TMEM132B: variants seen among roughly 807,000 people sequenced by gnomAD.
The protein encoded by TMEM132B is transmembrane protein 132B.
TMEM132B carries 18 observed loss-of-function variants against 90.8 expected under a neutral mutation model. The ratio of observed to expected loss-of-function variants is 0.20; its 90% CI spans 0.14 to 0.29. The LOEUF is 0.29. Among genes scored for constraint, TMEM132B ranks in the 10% least tolerant of loss-of-function variants. The probability of loss-of-function intolerance (pLI) is 1.00; values close to 1 mark genes in which losing one functional copy is unlikely to be tolerated. For missense variants in TMEM132B, 1,096 were observed against 1,326.8 expected (o/e 0.83, Z 2.70); for synonymous variants, 504 against 523.3 (o/e 0.96, Z 0.50).
At chr12:125,468,459 A>G (rs1046988310) in intron 3 of TMEM132B, among the ~76,000 whole-genome samples, 2 of 152,226 alleles carry the variant, frequency 1.3e-5, no homozygotes, top group African/African-American at 4.8e-5. Context: ...AACAGCATGA[A>G]TGAAATCATG....
In TMEM132B at chr12:125,460,870, T is replaced by C. The variant is rs1380669137; in HGVS notation, c.1106+45193T>C. ...GGTCTTTTGAAGACAATGAAACATA[T>C]TGTTTGTTGTCATCATGAAAGTTTT... On this transcript the variant is annotated intron_variant, in intron 3 of 8. Coordinates refer to ENST00000682704, the MANE Select transcript of TMEM132B (RefSeq NM_001366854.1). This position sits in a 1 kb window ranked among gnomAD's most constrained non-coding sequence, Gnocchi z 4.4. Among the ~76,000 whole-genome samples the C allele has an allele frequency of 1.3e-5, 2 of 152,208 alleles. No homozygotes were observed. The highest frequency in any genetic ancestry group is 1.3e-4 in the Admixed American group (2 of 15,284).
intron 5 of TMEM132B, among the ~76,000 whole-genome samples, chr12:125,615,793 TAG>T (rs1453812256): frequency 1.3e-5 from 2 of 152,170 alleles, no homozygotes; most frequent in Non-Finnish European, 2.9e-5. Context: ...GTGAGTGGTG[TAG>T]GGGCCAAGGC....
intron 1 of TMEM132B, chr12:125,326,660 G>A (rs1029884944): frequency 1.2e-6 from 2 of 1,607,998 alleles, no homozygotes; most frequent in East Asian, 2.2e-5. Context: ...CACCACTGCT[G>A]TCTGCACCGG....
chr12:125,476,164 A>G (rs1843146020), intron 3 of TMEM132B, among the ~76,000 whole-genome samples: 1 of 152,214 alleles, frequency 6.6e-6, no homozygotes, highest in Non-Finnish European at 1.5e-5. Context: ...ATATTTTTCT[A>G]TTGAGATGAA....
intron 3 of TMEM132B, among the ~76,000 whole-genome samples, chr12:125,416,812 A>G (rs1880027907): frequency 3.3e-5 from 5 of 152,090 alleles, no homozygotes; most frequent in Admixed American, 3.3e-4. Context: ...CTCTACATCT[A>G]TCGACAGAGT....
chr12:125,344,935 A>G (rs1252373472), intron 1 of TMEM132B, among the ~76,000 whole-genome samples: 3 of 152,140 alleles, frequency 2.0e-5, no homozygotes, highest in Admixed American at 1.3e-4. Context: ...GCCGCCAGAG[A>G]TGACATTTAC....
intron 5 of TMEM132B, among the ~76,000 whole-genome samples, chr12:125,592,566 G>T (rs1885339984): frequency 6.6e-6 from 1 of 152,144 alleles, no homozygotes; most frequent in Non-Finnish European, 1.5e-5. Context: ...TTTGCTGTTT[G>T]CTGAGCAGTG....
intron 5 of TMEM132B, among the ~76,000 whole-genome samples, chr12:125,628,804 C>A (rs1886291950): frequency 6.6e-6 from 1 of 152,108 alleles, no homozygotes; most frequent in Non-Finnish European, 1.5e-5. Context: ...AGTCTTTAAT[C>A]CATTTTGATT....
chr12:125,211,891 G>A (rs561286282), intron 1 of TMEM132B, among the ~76,000 whole-genome samples: 5 of 152,198 alleles, frequency 3.3e-5, no homozygotes, highest in African/African-American at 9.6e-5. Context: ...GTCTCAGGGC[G>A]TGTAAACACC....
chr12:125,490,458 AT>A lies in TMEM132B; in HGVS notation c.1107-28977del, dbSNP rs1322199516. Among the ~76,000 whole-genome samples the A allele has an allele frequency of 4.6e-5, 7 of 151,964 alleles. No homozygotes were observed. The East Asian group carries it at 5.8e-4, about 13-fold the overall frequency. The stretch of plus-strand genomic sequence containing the variant: ...TAAGAGGTGAAACTTAATTTATTTT[AT>A]TTTATTTATTTATTTATTTTTTGAG... On this transcript the variant is annotated intron_variant, in intron 3 of 8. Coordinates refer to ENST00000682704, the MANE Select transcript of TMEM132B (RefSeq NM_001366854.1). This position sits in a 1 kb window ranked among gnomAD's most constrained non-coding sequence, Gnocchi z 4.2.
chr12:125,404,926 A>T (rs1879422805), intron 2 of TMEM132B, among the ~76,000 whole-genome samples: 1 of 152,156 alleles, frequency 6.6e-6, no homozygotes, highest in East Asian at 1.9e-4. Context: ...CCCTAGACAG[A>T]CTGTCTCACT....
At chr12:125,242,719 C>T (rs897925510) in intron 1 of TMEM132B, among the ~76,000 whole-genome samples, 11 of 152,220 alleles carry the variant, frequency 7.2e-5, no homozygotes, top group Admixed American at 2.0e-4. Flanking sequence ...CTCCTTTGTC[C>T]TTCAAGATCT....
At chr12:125,218,780 T>TTTG (rs1386899923) in intron 1 of TMEM132B, among the ~76,000 whole-genome samples, 7 of 150,248 alleles carry the variant, frequency 4.7e-5, no homozygotes, top group African/African-American at 1.7e-4. Flanking sequence ...TTTTTTTTTT[T>TTTG]TTTTTTTTTT....
At chr12:125,575,056 T>TTATATATATATA (rs1566078420) in intron 4 of TMEM132B, among the ~76,000 whole-genome samples, 1 of 11,054 alleles carries the variant, frequency 9.0e-5, no homozygotes, top group African/African-American at 2.6e-4. Flanking sequence ...CTATTAGCTG[T>TTATATATATATA]CATATATATA....
chr12:125,337,570 C>T (rs1877010910), intron 1 of TMEM132B, among the ~76,000 whole-genome samples: 1 of 152,144 alleles, frequency 6.6e-6, no homozygotes, highest in African/African-American at 2.4e-5. Context: ...CTGGGAAAGT[C>T]CCTGCCTGAG....
intron 4 of TMEM132B, among the ~76,000 whole-genome samples, chr12:125,521,385 C>T (rs1883302357): frequency 6.6e-6 from 1 of 152,176 alleles, no homozygotes; most frequent in Admixed American, 6.5e-5. Flanking sequence ...TGCTGGACTG[C>T]CCCTGCATGA....
chr12:125,599,112 T>G (rs1885511906), intron 5 of TMEM132B, among the ~76,000 whole-genome samples: 1 of 152,158 alleles, frequency 6.6e-6, no homozygotes, highest in African/African-American at 2.4e-5. Flanking sequence ...TCCTCATGTG[T>G]CATAGGAGGG....
Position 125,519,606 on chromosome 12 carries a change from G to A in TMEM132B, c.1274G>A (p.Gly425Asp), listed in dbSNP as rs1269322638. 6 of 1,613,890 alleles carry A rather than the reference G, an allele frequency of 3.7e-6. No individual in the cohort carries two copies. The highest frequency in any genetic ancestry group is 1.6e-4 in the Middle Eastern group (1 of 6,064). The change falls in exon 4 of 9, where the codon GGC (glycine) becomes GAC (aspartate). Residue 425 changes from glycine (G) to aspartate (D), a missense_variant. By Grantham distance (94) the Gly-to-Asp change is moderately conservative. Coordinates refer to ENST00000682704, the MANE Select transcript of TMEM132B (RefSeq NM_001366854.1). The part of the protein sequence containing the change: ...EIFVSQTTFV[G>D]IVPLAMDTEV... ...TTCGTCAGCCAGACAACCTTCGTGGGCATCGTCCCTCTTGCCATGGTGAGG... is the reference window on the plus strand; with the variant it reads ...TTCGTCAGCCAGACAACCTTCGTGGACATCGTCCCTCTTGCCATGGTGAGG...
intron 5 of TMEM132B, among the ~76,000 whole-genome samples, chr12:125,641,600 A>T (rs1886632539): frequency 6.6e-6 from 1 of 152,222 alleles, no homozygotes; most frequent in Non-Finnish European, 1.5e-5. Context: ...TTACTTTGTT[A>T]TGTTTTTAAT....
Sources: gnomAD v4.1 joint callset for allele counts (sites outside exome capture counted in the v4.1 genomes callset) on GRCh38, gnomAD v4.1.1 for gene constraint, Gnocchi (gnomAD v3.1) non-coding constraint, MANE v1.5 for transcripts, NCBI Gene and HGNC (gene_info 2026-07-23, HGNC 2026-07-21) for gene names.